The following FBLN7 variants were observed in gnomAD, a reference collection of about 807,000 sequenced individuals.
The protein encoded by FBLN7 is fibulin-7.
FBLN7 carries 31 observed loss-of-function variants against 44.0 expected under a neutral mutation model. The observed-to-expected ratio is 0.70, with a 90% CI of 0.53 to 0.95. The LOEUF is 0.95. FBLN7 is among the 40% of genes least tolerant of loss of function. The pLI, the probability that FBLN7 is intolerant of heterozygous loss-of-function variation, is 0.00. For missense variants in FBLN7, 573 were observed against 618.5 expected (o/e 0.93, Z 0.78); for synonymous variants, 262 against 253.4 (o/e 1.03, Z -0.32).
chr2:112,189,077 A>C (rs577052306), downstream of FBLN7: 1 of 152,212 alleles, frequency 6.6e-6, no homozygotes, highest in Non-Finnish European at 1.5e-5. Flanking sequence ...CACACACATC[A>C]TATGTGAGAT....
chr2:112,185,430 G>T, intron 7 of FBLN7, 91 bp downstream of exon 7: 1 of 1,494,040 alleles, frequency 6.7e-7, no homozygotes, highest in Non-Finnish European at 9.0e-7. Flanking sequence ...AGAAGGTACA[G>T]TTATACCATA....
At chr2:112,173,827 T>C (rs1001967966) in intron 3 of FBLN7, among the ~76,000 whole-genome samples, 1 of 152,220 alleles carries the variant, frequency 6.6e-6, no homozygotes, top group African/African-American at 2.4e-5. Context: ...CATCAGGCCA[T>C]TGGATGCCTC....
At chr2:112,179,899 G>A (rs1469491537) in intron 4 of FBLN7, among the ~76,000 whole-genome samples, 2 of 152,130 alleles carry the variant, frequency 1.3e-5, no homozygotes, top group Non-Finnish European at 2.9e-5. Flanking sequence ...GGAAGACAAC[G>A]TAGGCAATAC....
the FBLN7 span, among the ~76,000 whole-genome samples, chr2:112,239,579 CTTTTTTTT>C: frequency 6.5e-4 from 56 of 86,486 alleles, no homozygotes; most frequent in African/African-American, 2.3e-3. Flanking sequence ...TAACAGTTTA[CTTTTTTTT>C]TTTTTTTTTT....
chr2:112,219,909 A>G, the FBLN7 span, among the ~76,000 whole-genome samples: 1 of 152,190 alleles, frequency 6.6e-6, no homozygotes, highest in East Asian at 1.9e-4. Context: ...AAGTCACTTC[A>G]TAGGTCTTTA....
At chr2:112,140,124 T>C (rs1337689342) in intron 1 of FBLN7, among the ~76,000 whole-genome samples, 42 of 86,294 alleles carry the variant, frequency 4.9e-4, no homozygotes, top group East Asian at 3.4e-3. Context: ...TCCACGCCAG[T>C]GTCCCTCCCG....
At position 112,139,247 on chromosome 2, in the gene FBLN7, C is replaced by T. The variant is rs528695730; in HGVS notation, c.75+517C>T. ...CCTCTCTCCAGGTCAGTGTCCCTCC[C>T]GCCTCTCTCCAGGCCAGCGTCCCTC... On this transcript the variant is annotated intron_variant, in intron 1 of 7. Transcript: ENST00000331203. Among the ~76,000 whole-genome samples the T allele has an allele frequency of 2.7e-4, 4 of 14,552 alleles. No individual in the cohort carries two copies. In the African/African-American group the frequency reaches 3.3e-3, roughly 12 times the overall value. 9.5% of individuals were successfully genotyped at this position (14,552 alleles called of 152,430 possible). A position where few individuals can be genotyped will look rare whatever the true frequency, so the allele number is the denominator to read the frequency against.
Position 112,138,682 on chromosome 2 carries a change from C to T in FBLN7, c.27C>T (p.Leu9=). MVPSSPRA[L]FLLLLILACP... Reference sequence around the variant, plus strand: ...TGGTGCCCAGCTCTCCGCGCGCGCTCTTCCTTCTGCTCCTGATCCTCGCCT... The same window carrying T: ...TGGTGCCCAGCTCTCCGCGCGCGCTTTTCCTTCTGCTCCTGATCCTCGCCT... Residue 9 remains leucine (L), a synonymous_variant, in exon 1 of 8, where the codon CTC becomes CTT. Coordinates refer to ENST00000331203, the MANE Select transcript of FBLN7 (RefSeq NM_153214.3). The T allele has an allele frequency of 6.2e-7, 1 of 1,613,752 alleles. No homozygotes were observed. The highest frequency in any genetic ancestry group is 8.5e-7 in the Non-Finnish European group (1 of 1,179,890).
At chr2:112,209,528 C>T in the FBLN7 span, among the ~76,000 whole-genome samples, 1 of 152,008 alleles carries the variant, frequency 6.6e-6, no homozygotes, top group Non-Finnish European at 1.5e-5. Context: ...ATTTAATGGG[C>T]CCACAAAGCA....
downstream of FBLN7, among the ~76,000 whole-genome samples, chr2:112,191,016 C>T (rs1247558263): frequency 6.6e-6 from 1 of 152,140 alleles, no homozygotes; most frequent in African/African-American, 2.4e-5. Flanking sequence ...CTCTCTGTGT[C>T]ACTCAGAGTA....
the FBLN7 span, among the ~76,000 whole-genome samples, chr2:112,198,841 G>C: frequency 2.6e-5 from 4 of 152,098 alleles, no homozygotes; most frequent in Non-Finnish European, 5.9e-5. Context: ...TAGTCACCCA[G>C]CCTAAGGTAG....
intron 1 of FBLN7, among the ~76,000 whole-genome samples, chr2:112,157,790 G>A (rs1322154426): frequency 1.3e-5 from 2 of 152,158 alleles, no homozygotes; most frequent in African/African-American, 4.8e-5. Context: ...TGTAGAGACA[G>A]GGTCTCAGTC....
chr2:112,155,698 G>A (rs1013535803), intron 1 of FBLN7, among the ~76,000 whole-genome samples: 2 of 152,208 alleles, frequency 1.3e-5, no homozygotes, highest in Admixed American at 6.5e-5. Flanking sequence ...TGAGCACCGG[G>A]GAGAAAGCAG....
At chr2:112,181,924 TG>T in intron 5 of FBLN7, 48 bp downstream of exon 5, 1 of 1,514,894 alleles carries the variant, frequency 6.6e-7, no homozygotes, top group Non-Finnish European at 8.8e-7. Flanking sequence ...GGGGAGGACA[TG>T]GGGCGGGGAA....
At chr2:112,235,835 T>C in the FBLN7 span, among the ~76,000 whole-genome samples, 8 of 151,268 alleles carry the variant, frequency 5.3e-5, no homozygotes, top group Admixed American at 1.3e-4. Flanking sequence ...GGGACTTTAG[T>C]AGTAAAAAAT....
chr2:112,236,827 G>T, the FBLN7 span: 1 of 843,280 alleles, frequency 1.2e-6, no homozygotes, highest in Non-Finnish European at 1.8e-6. Flanking sequence ...CAGGAGGACT[G>T]CTCAAAGCTA....
chr2:112,216,152 CCGATTTTATTAAGGAAAT>C, the FBLN7 span: 2 of 152,344 alleles, frequency 1.3e-5, no homozygotes, highest in East Asian at 3.9e-4. Flanking sequence ...AACCTTGCTT[CCGATTTTATTAAGGAAAT>C]CCAATCAATC....
chr2:112,194,367 G>A, the FBLN7 span, among the ~76,000 whole-genome samples: 2 of 152,164 alleles, frequency 1.3e-5, no homozygotes, highest in Non-Finnish European at 2.9e-5. Context: ...GTGGTTGGTG[G>A]AAAGTGACCC....
At chr2:112,181,183 TGAG>T (rs1682975175) in intron 4 of FBLN7, among the ~76,000 whole-genome samples, 2 of 151,984 alleles carry the variant, frequency 1.3e-5, no homozygotes, top group South Asian at 4.2e-4. Context: ...TGGGTCTACT[TGAG>T]GGGTTGGGGA....
Sources: allele counts gnomAD v4.1 joint callset (sites outside exome capture counted in the v4.1 genomes callset), GRCh38; gene constraint gnomAD v4.1.1; transcripts MANE v1.5; gene names NCBI Gene and HGNC (gene_info 2026-07-23, HGNC 2026-07-21).